ABCA13: variants seen among roughly 807,000 people sequenced by gnomAD.
ABCA13 encodes the protein ATP-binding cassette sub-family A member 13.
In ABCA13, 476 loss-of-function variants were observed where a neutral mutation model predicts 478.7. That is an observed-to-expected ratio of 0.99 (90% CI 0.92 to 1.07). The LOEUF is 1.07. Ranked by LOEUF, ABCA13 falls within the 50% of genes least tolerant of loss-of-function variation. The pLI is 0.00. For synonymous variants in ABCA13, 2,252 were observed against 2,158.9 expected, an observed-to-expected ratio of 1.04 and a Z score of -1.20; for missense variants, 6,060 against 5,910.6, an observed-to-expected ratio of 1.03 and a Z score of -0.83.
intron 42 of ABCA13, among the ~76,000 whole-genome samples, chr7:48,444,358 G>C (rs973799929): frequency 6.6e-6 from 1 of 152,254 alleles, no homozygotes. Flanking sequence ...GGTCAACTCA[G>C]ATATGTGCCA....
chr7:48,198,205 C>T (rs2188), intron 2 of ABCA13, 32 bp from the exon 3 acceptor site: 748,774 of 1,594,860 alleles, frequency 0.47, 181,148 homozygotes, highest in Non-Finnish European at 0.5. Context: ...AGCAGGTATA[C>T]GGACTCATTT....
At chr7:48,350,910 A>G (rs751611663) in intron 30 of ABCA13, 91 bp downstream of exon 30, 8 of 1,301,288 alleles carry the variant, frequency 6.1e-6, no homozygotes, top group Non-Finnish European at 8.4e-6. Flanking sequence ...GTCTTATGAT[A>G]GCTCAGAAAG....
chr7:48,369,807 G>A (rs1191375540), intron 32 of ABCA13, among the ~76,000 whole-genome samples: 1 of 152,108 alleles, frequency 6.6e-6, no homozygotes, highest in Non-Finnish European at 1.5e-5. Context: ...TTATAGTATA[G>A]TTTGAAGTCG....
Position 48,213,318 on chromosome 7 carries a change from C to T in ABCA13, c.288-6036C>T, listed in dbSNP as rs117682533. ...TAGCAAATATTGCAATAAAGTGAGT[C>T]ACATAAATTTTTTAGTTTTCCATTG... On this transcript the variant is annotated intron_variant, in intron 3 of 61. Transcript: ENST00000435803. Among the ~76,000 whole-genome samples, 1,185 of 152,244 alleles carry T rather than the reference C, an allele frequency of 7.8e-3. 9 individuals carry two copies. Among genetic ancestry groups the T allele is most frequent in the Non-Finnish European group, 0.013 (906 of 68,014 alleles).
rs768933759 is a variant in ABCA13, at chr7:48,198,273, T to G, written c.200T>G (p.Val67Gly). Residue 67 changes from valine (V) to glycine (G), a missense_variant, in exon 3 of 62, where the codon GTT becomes GGT. Val to Gly is a moderately radical substitution (Grantham distance 109, BLOSUM62 -3). Transcript: ENST00000435803. Reference sequence around the variant, plus strand: ...CCCCGAGATCTACCCAGCTGTGGTGTTATCCCCTTTGTTCAAAGCCTTCTT... The same window carrying G: ...CCCCGAGATCTACCCAGCTGTGGTGGTATCCCCTTTGTTCAAAGCCTTCTT... ...LQPRDLPSCG[V>G]IPFVQSLLCN... is the part of the protein sequence containing the mutation. 33 of 1,613,562 alleles carry G rather than the reference T, an allele frequency of 2.0e-5. No homozygotes were observed. Among genetic ancestry groups the G allele is most frequent in the Non-Finnish European group, 2.5e-5 (30 of 1,179,812 alleles).
chr7:48,423,847 A>G (rs1821082418), intron 41 of ABCA13, among the ~76,000 whole-genome samples: 1 of 152,188 alleles, frequency 6.6e-6, no homozygotes. Flanking sequence ...CTAAAAATTA[A>G]TGACTAGTTT....
rs764261483 is a variant in ABCA13, at chr7:48,310,023, C to T, written c.9398C>T (p.Pro3133Leu). The T allele has an allele frequency of 6.2e-7, 1 of 1,613,922 alleles. No individual in the cohort carries two copies. The highest frequency in any genetic ancestry group is 8.5e-7 in the Non-Finnish European group (1 of 1,179,840). The change falls in exon 24 of 62, where the codon CCC becomes CTC. Residue 3133 changes from proline to leucine, a missense_variant. Pro to Leu is a moderately conservative substitution (Grantham distance 98). Around this residue, in one of 3 missense-constraint regions of ABCA13, gnomAD observed 4,423 missense variants for 4,309.1 expected, o/e 1.03. Coordinates refer to ENST00000435803, the MANE Select transcript of ABCA13 (RefSeq NM_152701.5). ...QEILHLLLTFPKGEKSWIAAE... is the reference protein window; with the variant it reads ...QEILHLLLTFLKGEKSWIAAE... ...ATCCTTCATCTCCTGCTGACATTTC[C>T]CAAAGGGGAAAAATCTTGGATCGCA...
intron 53 of ABCA13, among the ~76,000 whole-genome samples, chr7:48,522,455 C>T (rs901297849): frequency 1.3e-5 from 2 of 152,136 alleles, no homozygotes; most frequent in African/African-American, 4.8e-5. Flanking sequence ...GCTGTCTGTA[C>T]CCTAGGTGCT....
chr7:48,180,920 T>TGAAA (rs1795607586), intron 1 of ABCA13, among the ~76,000 whole-genome samples: 1 of 149,558 alleles, frequency 6.7e-6, no homozygotes, highest in South Asian at 2.2e-4. Context: ...CAAAAGGAAA[T>TGAAA]GAAACAAACA....
chr7:48,234,269 C>A, intron 8 of ABCA13, 118 bp downstream of exon 8: 2 of 1,415,786 alleles, frequency 1.4e-6, no homozygotes, highest in South Asian at 1.2e-5. Context: ...CAGGAGAGTT[C>A]GGTCAAAACC....
At chr7:48,624,868 T>A (rs572274889) in intron 59 of ABCA13, among the ~76,000 whole-genome samples, 1 of 152,262 alleles carries the variant, frequency 6.6e-6, no homozygotes, top group Admixed American at 6.5e-5. Flanking sequence ...TTGTTTGTTT[T>A]TCTTTCTTTC....
intron 1 of ABCA13, among the ~76,000 whole-genome samples, chr7:48,179,173 A>G (rs569335975): frequency 6.6e-6 from 1 of 152,236 alleles, no homozygotes; most frequent in South Asian, 2.1e-4. Context: ...AAAAACAACA[A>G]ACAACAACAA....
At chr7:48,205,658 T>A (rs1390788258) in intron 3 of ABCA13, among the ~76,000 whole-genome samples, 1 of 152,226 alleles carries the variant, frequency 6.6e-6, no homozygotes, top group Non-Finnish European at 1.5e-5. Flanking sequence ...CATTGCATCT[T>A]GAGATCCTGA....
intron 55 of ABCA13, among the ~76,000 whole-genome samples, chr7:48,554,342 T>C (rs1785583992): frequency 6.6e-6 from 1 of 152,058 alleles, no homozygotes; most frequent in Non-Finnish European, 1.5e-5. Context: ...TTTAGGGTTG[T>C]TTTCTCTATT....
intron 55 of ABCA13, among the ~76,000 whole-genome samples, chr7:48,560,853 C>T (rs1786379726): frequency 6.6e-6 from 1 of 152,138 alleles, no homozygotes; most frequent in Admixed American, 6.5e-5. Flanking sequence ...CTATTATCTT[C>T]TGATTCTCTT....
At chr7:48,218,496 G>A (rs903814509) in intron 3 of ABCA13, among the ~76,000 whole-genome samples, 5 of 152,104 alleles carry the variant, frequency 3.3e-5, no homozygotes, top group African/African-American at 4.8e-5. Context: ...GAGCCTGGGC[G>A]ATATAGCAAG....
At chr7:48,225,109 G>A (rs143801483) in intron 5 of ABCA13, among the ~76,000 whole-genome samples, 9 of 113,664 alleles carry the variant, frequency 7.9e-5, no homozygotes, top group African/African-American at 3.2e-4. Context: ...CCATGCGTGC[G>A]TGCCTGCCTG....
intron 29 of ABCA13, among the ~76,000 whole-genome samples, chr7:48,339,408 G>GTGTCCCCA (rs1806766504): frequency 6.6e-6 from 1 of 152,120 alleles, no homozygotes; most frequent in African/African-American, 2.4e-5. Flanking sequence ...TATAATAATA[G>GTGTCCCCA]TGTCCCCATC....
intron 7 of ABCA13, 137 bp from the exon 8 acceptor site, chr7:48,233,881 A>G: frequency 3.2e-6 from 3 of 927,440 alleles, no homozygotes; most frequent in Non-Finnish European, 4.8e-6. Flanking sequence ...TGCTTTTTCT[A>G]TCTGATGCCC....
Sources: allele counts gnomAD v4.1 joint callset (sites outside exome capture counted in the v4.1 genomes callset), GRCh38; gene constraint gnomAD v4.1.1; regional missense constraint gnomAD v4.1.1; transcripts MANE v1.5; gene names NCBI Gene and HGNC (gene_info 2026-07-23, HGNC 2026-07-21).